PYCR2: variants seen among roughly 807,000 people sequenced by gnomAD.
The protein encoded by PYCR2 is pyrroline-5-carboxylate reductase 2.
A neutral mutation model predicts 23.4 loss-of-function variants in PYCR2; 17 were observed. The observed-to-expected ratio is 0.73, with a 90% CI of 0.50 to 1.09. The LOEUF (loss-of-function observed/expected upper bound fraction) is 1.09. Among genes scored for constraint, PYCR2 ranks in the 50% least tolerant of loss-of-function variants. The pLI is 0.00. For synonymous variants in PYCR2, 172 were observed against 176.6 expected, an observed-to-expected ratio of 0.97 and a Z score of 0.21; for missense variants, 380 against 423.5, an observed-to-expected ratio of 0.90 and a Z score of 0.90.
At chr1:225,923,557 G>C in intron 2 of PYCR2, 144 bp downstream of exon 2, 2 of 1,502,876 alleles carry the variant, frequency 1.3e-6, no homozygotes, top group East Asian at 2.4e-5. Flanking sequence ...AGAGAAGGTG[G>C]AAAGATTGTC....
chr1:225,924,239 A>G lies in PYCR2; in HGVS notation c.-129T>C. On this transcript the variant is annotated 5_prime_UTR_variant, in exon 1 of 7. Transcript: ENST00000343818. ...TGCCGAGGACCGGCGAGCTAACAGCAGCTTCTGGGATGGTGCAACCCTATT... is the reference window on the plus strand; with the variant it reads ...TGCCGAGGACCGGCGAGCTAACAGCGGCTTCTGGGATGGTGCAACCCTATT... 1.9e-6 allele frequency: 2 copies of G among 1,072,484 alleles called. No individual in the cohort carries two copies. The highest frequency in any genetic ancestry group is 2.7e-5 in the East Asian group (1 of 36,690). The allele number at this position is 1,072,484 out of a possible 1,614,324, so 66.4% of individuals were successfully genotyped here.
Position 225,921,278 on chromosome 1 carries a change from G to T in PYCR2, c.727C>A (p.His243Asn). 1 of 1,613,394 alleles carries T rather than the reference G, an allele frequency of 6.2e-7. No homozygotes were observed. ...CGGAAGCCCCCACTCTCTAGAAAGT[G>T]CAGGGCGTGGATGGTGGCTCCCCCA... ...SPGGATIHAL[H>N]FLESGGFRSL... The change falls in exon 6 of 7, where the codon CAC becomes AAC. Residue 243 changes from histidine (H) to asparagine (N), a missense_variant. Coordinates refer to ENST00000343818, the MANE Select transcript of PYCR2 (RefSeq NM_013328.4). This position sits in a 1 kb window ranked among gnomAD's most constrained non-coding sequence, Gnocchi z 4.2.
chr1:225,921,130 C>T lies in PYCR2; in HGVS notation c.797+78G>A. On this transcript the variant is annotated intron_variant, in intron 6 of 6. Coordinates refer to ENST00000343818, the MANE Select transcript of PYCR2 (RefSeq NM_013328.4). This position sits in a 1 kb window ranked among gnomAD's most constrained non-coding sequence, Gnocchi z 4.2. ...AAATGGGACCCAAGACAGCAGGTTC[C>T]GCAAATGGTGCTCAACCCAGCCCAG... 2.1e-6 allele frequency: 3 copies of T among 1,422,032 alleles called. No individual in the cohort carries two copies. The highest frequency in any genetic ancestry group is 1.4e-5 in the African/African-American group (1 of 69,812). The allele number at this position is 1,422,032 out of a possible 1,614,324, so 88.1% of individuals were successfully genotyped here.
chr1:225,923,894 G>A, intron 1 of PYCR2, 123 bp from the exon 2 acceptor site: 5 of 1,490,006 alleles, frequency 3.4e-6, no homozygotes, highest in Non-Finnish European at 3.6e-6. Flanking sequence ...AACCCTCTAC[G>A]AGGACAGAAG....
Position 225,921,057 on chromosome 1 carries a change from A to T in PYCR2, c.797+151T>A. On this transcript the variant is annotated intron_variant, in intron 6 of 6. Transcript: ENST00000343818. This position sits in a 1 kb window ranked among gnomAD's most constrained non-coding sequence, Gnocchi z 4.2. ...GGCTTGCAAACTCTTAGGTAAACAA[A>T]ATCTACTAAGTTGTGGTTATTAACA... 1.2e-6 allele frequency: 1 copy of T among 802,150 alleles called. No individual in the cohort carries two copies. The highest frequency in any genetic ancestry group is 1.9e-5 in the South Asian group (1 of 51,844). The allele number at this position is 802,150 out of a possible 1,614,324, so 49.7% of individuals were successfully genotyped here.
rs1419770891 is a variant in PYCR2 at position 225,922,018 on chromosome 1, A to T, written c.380T>A (p.Val127Glu). Residue 127 changes from valine (V) to glutamate (E), a missense_variant, in exon 4 of 7, where the codon GTA (valine) becomes GAA (glutamate). Physicochemically the swap from Val to Glu is moderately radical, Grantham distance 121. Coordinates refer to ENST00000343818, the MANE Select transcript of PYCR2 (RefSeq NM_013328.4). ...GTACACTGTAGCGCCTTCCTGCACT[A>T]CCACAGGTGTGTTGGTCATGCAGCG... is the stretch of plus-strand genomic sequence containing the variant. ...VIRCMTNTPV[V>E]VQEGATVYAT... 1 of 1,614,174 alleles carries T rather than the reference A, an allele frequency of 6.2e-7. No individual in the cohort carries two copies. Among genetic ancestry groups the T allele is most frequent in the South Asian group, 1.1e-5 (1 of 91,070 alleles).
Position 225,920,701 on chromosome 1 carries a change from C to A in PYCR2, c.798-81G>T, listed in dbSNP as rs1434121400. The A allele has an allele frequency of 5.3e-6, 8 of 1,498,730 alleles. No homozygotes were observed. The South Asian group carries it at 9.2e-5, about 17-fold the overall frequency. 92.8% of individuals were successfully genotyped at this position (1,498,730 alleles called of 1,614,324 possible). Reference sequence around the variant, plus strand: ...CTTTGAGTCTCCACTATCCACACAACCCTCAAGCTTGTTGATGTGACACCA... The same window carrying A: ...CTTTGAGTCTCCACTATCCACACAAACCTCAAGCTTGTTGATGTGACACCA... On this transcript the variant is annotated intron_variant, in intron 6 of 6. Transcript: ENST00000343818.
chr1:225,923,548 G>T, intron 2 of PYCR2, 153 bp downstream of exon 2: 1 of 1,486,460 alleles, frequency 6.7e-7, no homozygotes, highest in Non-Finnish European at 9.0e-7. Context: ...AGCTGCCCAA[G>T]AGAAGGTGGA....
chr1:225,923,540 C>T, intron 2 of PYCR2, 161 bp downstream of exon 2: 2 of 1,468,882 alleles, frequency 1.4e-6, no homozygotes, highest in Non-Finnish European at 9.0e-7. Flanking sequence ...CCACATTGAG[C>T]TGCCCAAGAG....
Position 225,923,998 on chromosome 1 carries a change from G to C in PYCR2, c.67+46C>G, listed in dbSNP as rs1429118263. The stretch of plus-strand genomic sequence containing the variant: ...GCTGGTGGGACGGAGGCCCCCTCGG[G>C]CCTCGGGACCGCCCGCGAAGCCGCC... On this transcript the variant is annotated intron_variant, in intron 1 of 6. Transcript: ENST00000343818. The C allele has an allele frequency of 1.1e-5, 17 of 1,530,688 alleles. No individual in the cohort carries two copies. The Admixed American group carries it at 2.0e-4, about 18-fold the overall frequency. The allele number at this position is 1,530,688 out of a possible 1,614,324, so 94.8% of individuals were successfully genotyped here. A position where few individuals can be genotyped will look rare whatever the true frequency, so the allele number is the denominator to read the frequency against.
In PYCR2 at chr1:225,924,080, G is replaced by C. The variant is rs1252252115; in HGVS notation, c.31C>G (p.Leu11Val). Reference protein sequence around the residue: MSVGFIGAGQLAYALARGFTA... With the variant: MSVGFIGAGQVAYALARGFTA... ...AAGCCCCGCGCCAGAGCATAGGCCA[G>C]CTGGCCGGCCCCGATGAAGCCCACG... The change falls in exon 1 of 7, where the codon CTG (leucine) becomes GTG (valine). Residue 11 changes from leucine (L) to valine (V), a missense_variant. Leu to Val is a conservative substitution (Grantham distance 32). Coordinates refer to ENST00000343818, the MANE Select transcript of PYCR2 (RefSeq NM_013328.4). The C allele has an allele frequency of 1.9e-6, 3 of 1,545,486 alleles. No individual in the cohort carries two copies. The highest frequency in any genetic ancestry group is 2.7e-5 in the African/African-American group (2 of 73,288).
In PYCR2 at chr1:225,921,385, C is replaced by T; in HGVS notation, c.634-14G>A. The T allele has an allele frequency of 2.0e-6, 3 of 1,532,934 alleles. No individual in the cohort carries two copies. The highest frequency in any genetic ancestry group is 2.7e-6 in the Non-Finnish European group (3 of 1,108,224). 95.0% of individuals were successfully genotyped at this position (1,532,934 alleles called of 1,614,324 possible). On this transcript the variant is annotated splice_polypyrimidine_tract_variant and intron_variant, in intron 5 of 6. Coordinates refer to ENST00000343818, the MANE Select transcript of PYCR2 (RefSeq NM_013328.4). The surrounding 1 kb of genome is among the most constrained non-coding windows in gnomAD (Gnocchi z 4.2). ...CTTGGCAGCTCCCTATGGGGAAGGGCACATTAGGAGAAAGTTGCTGGTGTG... is the reference window on the plus strand; with the variant it reads ...CTTGGCAGCTCCCTATGGGGAAGGGTACATTAGGAGAAAGTTGCTGGTGTG...
Position 225,921,709 on chromosome 1 carries a change from C to T in PYCR2, c.541-65G>A. The T allele has an allele frequency of 6.3e-7, 1 of 1,598,474 alleles. No homozygotes were observed. The highest frequency in any genetic ancestry group is 8.6e-7 in the Non-Finnish European group (1 of 1,166,134). On this transcript the variant is annotated intron_variant, in intron 4 of 6. Coordinates refer to ENST00000343818, the MANE Select transcript of PYCR2 (RefSeq NM_013328.4). The surrounding 1 kb of genome is among the most constrained non-coding windows in gnomAD (Gnocchi z 4.2). ...AAGGGCCTTTCCTTAGGTCTGCTTT[C>T]TGATGACTAGAACTAGCTCCAAGGG... is the stretch of plus-strand genomic sequence containing the variant.
rs367885286 is a variant in PYCR2, at chr1:225,923,691, C to T, written c.138+10G>A. On this transcript the variant is annotated intron_variant, in intron 2 of 6. Coordinates refer to ENST00000343818, the MANE Select transcript of PYCR2 (RefSeq NM_013328.4). ...TCCACCCGCTTCCCACTCCGCCCGG[C>T]TCCACCTACCCTGAGCGCGGACACC... The T allele has an allele frequency of 6.2e-7, 1 of 1,614,072 alleles. No individual in the cohort carries two copies. Among genetic ancestry groups the T allele is most frequent in the Non-Finnish European group, 8.5e-7 (1 of 1,179,970 alleles).
In PYCR2 at chr1:225,921,431, A is replaced by G; in HGVS notation, c.634-60T>C. 6.6e-7 allele frequency: 1 copy of G among 1,522,566 alleles called. No homozygotes were observed. The highest frequency in any genetic ancestry group is 9.1e-7 in the Non-Finnish European group (1 of 1,104,794). The allele number at this position is 1,522,566 out of a possible 1,614,324, so 94.3% of individuals were successfully genotyped here. A position where few individuals can be genotyped will look rare whatever the true frequency, so the allele number is the denominator to read the frequency against. On this transcript the variant is annotated intron_variant, in intron 5 of 6. Transcript: ENST00000343818. The surrounding 1 kb of genome is among the most constrained non-coding windows in gnomAD (Gnocchi z 4.2). ...GTGTGCGTTGGAACAGGCTTCCCATACCCACTGCTCCTGCCCAACTGCTAC... is the reference window on the plus strand; with the variant it reads ...GTGTGCGTTGGAACAGGCTTCCCATGCCCACTGCTCCTGCCCAACTGCTAC...
Position 225,920,599 on chromosome 1 carries a change from G to C in PYCR2, c.819C>G (p.Asp273Glu), listed in dbSNP as rs757065293. ...IRTRELQSMA[D>E]QEKISPAALK... ...GGGCAGCTGGGGAGATCTTTTCTTGGTCGGCCATGGACTGTAGCTCTCTGC... is the reference window on the plus strand; with the variant it reads ...GGGCAGCTGGGGAGATCTTTTCTTGCTCGGCCATGGACTGTAGCTCTCTGC... The change falls in exon 7 of 7, where the codon GAC becomes GAG. Residue 273 changes from aspartate (D) to glutamate (E), a missense_variant. Asp to Glu is a conservative substitution (Grantham distance 45). Transcript: ENST00000343818. The C allele has an allele frequency of 3.1e-6, 5 of 1,613,718 alleles. No homozygotes were observed. The highest frequency in any genetic ancestry group is 4.2e-6 in the Non-Finnish European group (5 of 1,179,732).
intron 6 of PYCR2, among the ~76,000 whole-genome samples, chr1:225,920,952 A>C (rs1671819704): frequency 6.6e-6 from 1 of 152,200 alleles, no homozygotes. Flanking sequence ...TGGGAAAATT[A>C]TCTCTGAGCC....
chr1:225,923,217 C>T, intron 2 of PYCR2: 1 of 255,280 alleles, frequency 3.9e-6, no homozygotes, highest in Non-Finnish European at 6.3e-6. Context: ...CGAGACCAGC[C>T]TGGCCAACAG....
rs781673642 is a variant in PYCR2 at position 225,921,321 on chromosome 1, C to T, written c.684G>A (p.Lys228=). The change falls in exon 6 of 7, where the codon AAG becomes AAA. Residue 228 remains lysine (K), a synonymous_variant. Coordinates refer to ENST00000343818, the MANE Select transcript of PYCR2 (RefSeq NM_013328.4). This position sits in a 1 kb window ranked among gnomAD's most constrained non-coding sequence, Gnocchi z 4.2. ...CTCCCCCAGGGGAGCAGACATTGTC[C>T]TTAAGCTGGCATGGATGCTGCTCCG... The part of the protein sequence containing the change: ...LDSEQHPCQL[K]DNVCSPGGAT... 2 of 1,575,260 alleles carry T rather than the reference C, an allele frequency of 1.3e-6. No individual in the cohort carries two copies. The highest frequency in any genetic ancestry group is 1.7e-6 in the Non-Finnish European group (2 of 1,144,838).
Sources: allele counts gnomAD v4.1 joint callset (sites outside exome capture counted in the v4.1 genomes callset), GRCh38; gene constraint gnomAD v4.1.1; non-coding constraint Gnocchi (gnomAD v3.1); transcripts MANE v1.5; gene names NCBI Gene and HGNC (gene_info 2026-07-23, HGNC 2026-07-21).